The following C1orf21 variants were observed in gnomAD, a reference collection of about 807,000 sequenced individuals.
C1orf21 encodes uncharacterized protein C1orf21.
In C1orf21, 3 loss-of-function variants were observed where a neutral mutation model predicts 18.7. The ratio of observed to expected loss-of-function variants is 0.16; its 90% CI spans 0.07 to 0.42. The LOEUF (loss-of-function observed/expected upper bound fraction) is 0.42. C1orf21 is among the 10% of genes least tolerant of loss of function. The pLI is 0.99. For missense variants in C1orf21, 104 were observed against 143.6 expected (o/e 0.72, Z 1.41); for synonymous variants, 41 against 46.4 (o/e 0.88, Z 0.47).
In C1orf21 at chr1:184,387,452, G is replaced by C. The variant is rs2102054082; in HGVS notation, c.-125+84G>C. 1 of 152,546 alleles carries C rather than the reference G, an allele frequency of 6.6e-6. No individual in the cohort carries two copies. The highest frequency in any genetic ancestry group is 2.1e-4 in the South Asian group (1 of 4,832). 9.4% of individuals were successfully genotyped at this position (152,546 alleles called of 1,614,324 possible). ...GGCTCGGCTACCCGGGCATCCCCGGGTGGGCAGGGAGGGAGGCCTGCGGGG... is the reference window on the plus strand; with the variant it reads ...GGCTCGGCTACCCGGGCATCCCCGGCTGGGCAGGGAGGGAGGCCTGCGGGG... On this transcript the variant is annotated intron_variant, in intron 1 of 5. Transcript: ENST00000235307. This position sits in a 1 kb window ranked among gnomAD's most constrained non-coding sequence, Gnocchi z 5.6.
At chr1:184,512,658 A>G (rs972132586) in intron 3 of C1orf21, among the ~76,000 whole-genome samples, 16 of 152,180 alleles carry the variant, frequency 1.1e-4, no homozygotes, top group African/African-American at 3.9e-4. Context: ...GGTAAGTATC[A>G]GTATGGGGCC....
rs1254462470 is a variant in C1orf21 at position 184,625,122 on chromosome 1, T to C, written c.*5566T>C. ...AAGATTCACCTCTAAACTGAAGGCT[T>C]CATTCTGATAGTGTCTGCCCTCTCT... On this transcript the variant is annotated 3_prime_UTR_variant, in exon 6 of 6. Transcript: ENST00000235307. The C allele has an allele frequency of 2.6e-5, 4 of 152,218 alleles. No individual in the cohort carries two copies. The highest frequency in any genetic ancestry group is 5.9e-5 in the Non-Finnish European group (4 of 68,046). The allele number at this position is 152,218 out of a possible 1,614,324, so 9.4% of individuals were successfully genotyped here. A position where few individuals can be genotyped will look rare whatever the true frequency, so the allele number is the denominator to read the frequency against.
intron 2 of C1orf21, among the ~76,000 whole-genome samples, chr1:184,478,582 C>T (rs1571377329): frequency 6.6e-6 from 1 of 152,174 alleles, no homozygotes; most frequent in Non-Finnish European, 1.5e-5. Flanking sequence ...GCTGTGGCCT[C>T]CAGTGAACTG....
At chr1:184,550,534 G>T (rs58410277) in intron 3 of C1orf21, among the ~76,000 whole-genome samples, 1,554 of 152,134 alleles carry the variant, frequency 0.01, 22 homozygotes, top group African/African-American at 0.036. Context: ...TTCTTTGTTT[G>T]TTTGTTTGTT....
intron 3 of C1orf21, among the ~76,000 whole-genome samples, chr1:184,572,384 C>G (rs751196202): frequency 9.9e-5 from 15 of 152,148 alleles, no homozygotes; most frequent in Admixed American, 5.2e-4. Context: ...GGTAAATGGA[C>G]CAGTATACAT....
Position 184,620,880 on chromosome 1 carries a change from AT to A in C1orf21, c.*1331del, listed in dbSNP as rs1163608786. On this transcript the variant is annotated 3_prime_UTR_variant, in exon 6 of 6. Transcript: ENST00000235307. ...ATCAAAAGGAGAAAATAACTTTTGT[AT>A]TTTTTTAATGTGTTTGATAGCTTTG... 6.6e-6 allele frequency: 1 copy of A among 152,556 alleles called. No homozygotes were observed. Among genetic ancestry groups the A allele is most frequent in the African/African-American group, 2.4e-5 (1 of 41,410 alleles). 9.5% of individuals were successfully genotyped at this position (152,556 alleles called of 1,614,324 possible).
rs943665352 is a variant in C1orf21, at chr1:184,591,928, A to G, written c.266+1113A>G. Among the ~76,000 whole-genome samples, 25 of 152,222 alleles carry G rather than the reference A, an allele frequency of 1.6e-4. 1 individual carries two copies. Among genetic ancestry groups the G allele is most frequent in the African/African-American group, 5.3e-4 (22 of 41,466 alleles). On this transcript the variant is annotated intron_variant, in intron 4 of 5. Coordinates refer to ENST00000235307, the MANE Select transcript of C1orf21 (RefSeq NM_030806.4). ...ACACATATCATGATGGAGGAATCTC[A>G]TAAGGATGAGGCAGTAGAGTAAGCA...
chr1:184,406,077 CA>C (rs1337337758), intron 1 of C1orf21, among the ~76,000 whole-genome samples: 6 of 152,186 alleles, frequency 3.9e-5, no homozygotes, highest in Admixed American at 1.3e-4. Context: ...AGTATTATCT[CA>C]AATGAGAATT....
intron 3 of C1orf21, among the ~76,000 whole-genome samples, chr1:184,538,478 AT>A (rs985423368): frequency 6.6e-6 from 1 of 151,812 alleles, no homozygotes; most frequent in African/African-American, 2.4e-5. Flanking sequence ...ATGAAATCCA[AT>A]TTTTTTTCTT....
intron 1 of C1orf21, among the ~76,000 whole-genome samples, chr1:184,409,389 GC>G (rs748765480): frequency 3.2e-4 from 48 of 152,262 alleles, no homozygotes; most frequent in Non-Finnish European, 5.6e-4. Flanking sequence ...AGGAATGTGG[GC>G]TGCGGGTAGG....
rs10553261 is a variant in C1orf21, at chr1:184,475,734, GGTGTGTGTGTGT to G, written c.-124-1615_-124-1604del. ...ACATTACTGCTAAATAATGGAATAG[GGTGTGTGTGTGT>G]GTGTGTGTGTGTGTGTGTGTGTGTG... On this transcript the variant is annotated intron_variant, in intron 1 of 5. Transcript: ENST00000235307. 1.0e-3 allele frequency among the ~76,000 whole-genome samples: 139 copies of G among 138,136 alleles called. 1 individual carries two copies. Among genetic ancestry groups the G allele is most frequent in the East Asian group, 8.3e-3 (38 of 4,606 alleles). The allele number at this position is 138,136 out of a possible 152,430, so 90.6% of individuals were successfully genotyped here. A position where few individuals can be genotyped will look rare whatever the true frequency, so the allele number is the denominator to read the frequency against.
intron 1 of C1orf21, among the ~76,000 whole-genome samples, chr1:184,470,846 T>A (rs1360803876): frequency 2.0e-5 from 3 of 151,082 alleles, no homozygotes; most frequent in African/African-American, 7.3e-5. Flanking sequence ...ACCACTGCAC[T>A]CCAGCTTGGG....
chr1:184,620,995 CAGG>C lies in C1orf21; in HGVS notation c.*1442_*1444del, dbSNP rs1000167642. On this transcript the variant is annotated 3_prime_UTR_variant, in exon 6 of 6. Coordinates refer to ENST00000235307, the MANE Select transcript of C1orf21 (RefSeq NM_030806.4). ...GGTCTGGGTTTGTCCCACAAAATCA[CAGG>C]AGCACTGTATGTTCCTCTCTTTTGG... 4 of 151,906 alleles carry C rather than the reference CAGG, an allele frequency of 2.6e-5. No homozygotes were observed. The highest frequency in any genetic ancestry group is 6.6e-5 in the Admixed American group (1 of 15,250). The allele number at this position is 151,906 out of a possible 1,614,324, so 9.4% of individuals were successfully genotyped here.
intron 3 of C1orf21, chr1:184,568,391 T>G: frequency 2.1e-6 from 1 of 469,270 alleles, no homozygotes; most frequent in Non-Finnish European, 4.4e-6. Context: ...TCCTCGCTGT[T>G]CCCAGTCACT....
At chr1:184,536,854 A>G (rs1216686168) in intron 3 of C1orf21, among the ~76,000 whole-genome samples, 2 of 151,916 alleles carry the variant, frequency 1.3e-5, no homozygotes, top group Admixed American at 1.3e-4. Flanking sequence ...TGTGGAAAAA[A>G]AAAAAAAGAT....
intron 1 of C1orf21, among the ~76,000 whole-genome samples, chr1:184,458,516 T>G (rs948875177): frequency 2.0e-5 from 3 of 152,190 alleles, no homozygotes; most frequent in African/African-American, 7.2e-5. Context: ...CCATAAGAAC[T>G]ATATATTATA....
chr1:184,561,398 T>C, intron 3 of C1orf21, among the ~76,000 whole-genome samples: 1 of 152,202 alleles, frequency 6.6e-6, no homozygotes, highest in Non-Finnish European at 1.5e-5. Context: ...AGATAGACTT[T>C]ATCTGGATGA....
rs778400055 is a variant in C1orf21, at chr1:184,477,539, C to T, written c.30C>T (p.Ala10=). MGCASAKHV[A]TVQNEEEAQK... is the part of the protein sequence containing the mutation. ...GCTGTGCCTCCGCCAAGCATGTTGC[C>T]ACTGTTCAAAATGAAGAGGAAGCCC... The change falls in exon 2 of 6, where the codon GCC becomes GCT. Residue 10 remains alanine (A), a synonymous_variant. Coordinates refer to ENST00000235307, the MANE Select transcript of C1orf21 (RefSeq NM_030806.4). 2 of 1,614,012 alleles carry T rather than the reference C, an allele frequency of 1.2e-6. No individual in the cohort carries two copies. The highest frequency in any genetic ancestry group is 1.7e-6 in the Non-Finnish European group (2 of 1,179,932).
At chr1:184,460,279 C>A (rs1216949895) in intron 1 of C1orf21, among the ~76,000 whole-genome samples, 1 of 152,144 alleles carries the variant, frequency 6.6e-6, no homozygotes, top group Non-Finnish European at 1.5e-5. Flanking sequence ...TTGCCCTGCT[C>A]ATTTGAGCAA....
Sources: gnomAD v4.1 joint callset for allele counts (sites outside exome capture counted in the v4.1 genomes callset) on GRCh38, gnomAD v4.1.1 for gene constraint, Gnocchi (gnomAD v3.1) non-coding constraint, MANE v1.5 for transcripts, NCBI Gene and HGNC (gene_info 2026-07-23, HGNC 2026-07-21) for gene names.